Variants in SCARF2 observed in about 807,000 individuals in gnomAD.
The protein encoded by SCARF2 is scavenger receptor expressed by endothelial cells 2 protein.
In SCARF2, 39 loss-of-function variants were observed where a neutral mutation model predicts 73.4. The ratio of observed to expected loss-of-function variants is 0.53; its 90% CI spans 0.41 to 0.69. The LOEUF (loss-of-function observed/expected upper bound fraction) is 0.69. Ranked by LOEUF, SCARF2 falls within the 30% of genes least tolerant of loss-of-function variation. The pLI is 0.00. For missense variants in SCARF2, 1,148 were observed against 1,303.5 expected (o/e 0.88, Z 1.84); for synonymous variants, 605 against 590.0 (o/e 1.03, Z -0.37).
chr22:20,426,146 C>A lies in SCARF2; in HGVS notation c.1830G>T (p.Arg610=), dbSNP rs1206587333. 6.8e-7 allele frequency: 1 copy of A among 1,469,398 alleles called. No homozygotes were observed. Among genetic ancestry groups the A allele is most frequent in the Admixed American group, 2.4e-5 (1 of 41,070 alleles). The allele number at this position is 1,469,398 out of a possible 1,614,324, so 91.0% of individuals were successfully genotyped here. Residue 610 remains arginine, a synonymous_variant, in exon 11 of 11, where the codon CGG becomes CGT. Coordinates refer to ENST00000622235, the MANE Select transcript of SCARF2 (RefSeq NM_182895.5). Reference sequence around the variant, plus strand: ...CGGGCCCCTCCACGCTGGACGCCGACCGCTCGCTGTCGGAGGACGCGGGGA... The same window carrying A: ...CGGGCCCCTCCACGCTGGACGCCGAACGCTCGCTGTCGGAGGACGCGGGGA... ...IPLPASSDSE[R]SASSVEGPGG... is the part of the protein sequence containing the mutation.
Position 20,429,555 on chromosome 22 carries a change from C to G in SCARF2, c.1405G>C (p.Gly469Arg). 1 of 1,613,010 alleles carries G rather than the reference C, an allele frequency of 6.2e-7. No individual in the cohort carries two copies. Among genetic ancestry groups the G allele is most frequent in the Non-Finnish European group, 8.5e-7 (1 of 1,179,764 alleles). Residue 469 changes from glycine (G) to arginine (R), a missense_variant, in exon 8 of 11, where the codon GGC (glycine) becomes CGC (arginine). Physicochemically the swap from Gly to Arg is moderately radical, Grantham distance 125. Around this residue, in one of 5 missense-constraint regions of SCARF2, gnomAD observed 437 missense variants for 433.6 expected, o/e 1.01. Transcript: ENST00000622235. The surrounding 1 kb of genome is among the most constrained non-coding windows in gnomAD (Gnocchi z 5.2). ...GCTCACCGGCGCGTAGGGTCCTTGCCGCGGCAAGCGCAGCAGCAGCCGAGC... is the reference window on the plus strand; with the variant it reads ...GCTCACCGGCGCGTAGGGTCCTTGCGGCGGCAAGCGCAGCAGCAGCCGAGC... Reference protein sequence around the residue: ...SLLGCCCACRGKDPTRRELSL... With the variant: ...SLLGCCCACRRKDPTRRELSL...
intron 10 of SCARF2, 86 bp from the exon 11 acceptor site, chr22:20,426,368 C>G (rs2052578992): frequency 7.0e-7 from 1 of 1,433,470 alleles, no homozygotes; most frequent in Non-Finnish European, 9.4e-7. Context: ...CACCTTTCCT[C>G]CTCTACCCAC....
Position 20,429,824 on chromosome 22 carries a change from C to A in SCARF2, c.1212G>T (p.Val404=). The A allele has an allele frequency of 1.2e-6, 2 of 1,612,758 alleles. No individual in the cohort carries two copies. The highest frequency in any genetic ancestry group is 4.5e-5 in the East Asian group (2 of 44,856). Residue 404 remains valine, a synonymous_variant, in exon 7 of 11, where the codon GTG becomes GTT. Transcript: ENST00000622235. The surrounding 1 kb of genome is among the most constrained non-coding windows in gnomAD (Gnocchi z 5.2). The part of the protein sequence containing the change: ...SPGVHGPHCN[V]TCPPGLHGAD... ...CGCCGTGGAGTCCGGGCGGGCACGTCACGTTACAGCTGCCGGGACATAGGG... is the reference window on the plus strand; with the variant it reads ...CGCCGTGGAGTCCGGGCGGGCACGTAACGTTACAGCTGCCGGGACATAGGG...
Position 20,425,600 on chromosome 22 carries a change from G to T in SCARF2, c.2376C>A (p.Gly792=). The T allele has an allele frequency of 7.5e-7, 1 of 1,334,278 alleles. No homozygotes were observed. The highest frequency in any genetic ancestry group is 9.6e-7 in the Non-Finnish European group (1 of 1,045,816). The allele number at this position is 1,334,278 out of a possible 1,614,324, so 82.7% of individuals were successfully genotyped here. ...GTGGGGGCGCCGGCTTTTCCCTGGG[G>T]CCCTGCGCGCCCAGGGCCACCTCGG... ...GRAEVALGAQ[G]PREKPAPPQK... The change falls in exon 11 of 11, where the codon GGC becomes GGA. Residue 792 remains glycine, a synonymous_variant. Coordinates refer to ENST00000622235, the MANE Select transcript of SCARF2 (RefSeq NM_182895.5). This position sits in a 1 kb window ranked among gnomAD's most constrained non-coding sequence, Gnocchi z 4.6.
chr22:20,428,226 C>CCCTCCCTT (rs2052601384), intron 9 of SCARF2, among the ~76,000 whole-genome samples: 1 of 142,432 alleles, frequency 7.0e-6, no homozygotes, highest in Non-Finnish European at 1.5e-5. Flanking sequence ...CTCCCTCCCT[C>CCCTCCCTT]CCTCCCTCCC....
intron 1 of SCARF2, among the ~76,000 whole-genome samples, chr22:20,436,723 G>T (rs971677187): frequency 1.3e-5 from 2 of 152,160 alleles, no homozygotes; most frequent in Non-Finnish European, 2.9e-5. Flanking sequence ...CCACACGCCC[G>T]CTCCTCACCC....
intron 1 of SCARF2, among the ~76,000 whole-genome samples, chr22:20,436,154 C>A (rs192113268): frequency 1.3e-5 from 2 of 152,384 alleles, no homozygotes; most frequent in African/African-American, 4.8e-5. Context: ...GTCCACACAG[C>A]TGGGTAGGGT....
chr22:20,430,540 C>G lies in SCARF2; in HGVS notation c.1091G>C (p.Ser364Thr), dbSNP rs370346506. 1 of 1,611,070 alleles carries G rather than the reference C, an allele frequency of 6.2e-7. No individual in the cohort carries two copies. The highest frequency in any genetic ancestry group is 8.5e-7 in the Non-Finnish European group (1 of 1,179,032). ...GCAGTCCTCGCCGTAAGTGCCATTG[C>G]TACACTTGGTCTCGCACCTTGGAAA... is the stretch of plus-strand genomic sequence containing the variant. Reference protein sequence around the residue: ...WIGDRCETKCSNGTYGEDCAF... With the variant: ...WIGDRCETKCTNGTYGEDCAF... The change falls in exon 6 of 11, where the codon AGC becomes ACC. Residue 364 changes from serine to threonine, a missense_variant. Transcript: ENST00000622235.
chr22:20,435,996 G>C (rs1360854298), intron 1 of SCARF2, among the ~76,000 whole-genome samples: 1 of 152,238 alleles, frequency 6.6e-6, no homozygotes, highest in Non-Finnish European at 1.5e-5. Flanking sequence ...GACCCCAGGT[G>C]GGCAGTGCCC....
At position 20,429,107 on chromosome 22, in the gene SCARF2, A is replaced by T; in HGVS notation, c.1540+118T>A. The T allele has an allele frequency of 1.5e-6, 2 of 1,377,778 alleles. No homozygotes were observed. Among genetic ancestry groups the T allele is most frequent in the Non-Finnish European group, 2.1e-6 (2 of 975,016 alleles). The allele number at this position is 1,377,778 out of a possible 1,614,324, so 85.3% of individuals were successfully genotyped here. A position where few individuals can be genotyped will look rare whatever the true frequency, so the allele number is the denominator to read the frequency against. On this transcript the variant is annotated intron_variant, in intron 9 of 10. Transcript: ENST00000622235. The surrounding 1 kb of genome is among the most constrained non-coding windows in gnomAD (Gnocchi z 5.2). ...GTCGCACCTCCTCGCGCCCACGCAC[A>T]TCAACACTCAAGGTCCCCCATTTCC...
chr22:20,425,809 G>A lies in SCARF2; in HGVS notation c.2167C>T (p.Pro723Ser), dbSNP rs1270273120. The stretch of plus-strand genomic sequence containing the variant: ...GTCGCCTCCTCGGGCAGCCCGGGGG[G>A]CCGCGGCGTTGGGTCGCGGGTCCGG... ...SPRTRDPTPRPPGLPEEATAL... is the reference protein window; with the variant it reads ...SPRTRDPTPRSPGLPEEATAL... Residue 723 changes from proline to serine, a missense_variant, in exon 11 of 11, where the codon CCC becomes TCC. This residue lies in a region of SCARF2 where 437 missense variants were observed against 433.6 expected (regional missense o/e 1.01). Coordinates refer to ENST00000622235, the MANE Select transcript of SCARF2 (RefSeq NM_182895.5). The surrounding 1 kb of genome is among the most constrained non-coding windows in gnomAD (Gnocchi z 4.6). 3.3e-6 allele frequency: 5 copies of A among 1,523,550 alleles called. No individual in the cohort carries two copies. The highest frequency in any genetic ancestry group is 1.4e-5 in the African/African-American group (1 of 69,664). The allele number at this position is 1,523,550 out of a possible 1,614,324, so 94.4% of individuals were successfully genotyped here.
chr22:20,428,243 C>G (rs2052601961), intron 9 of SCARF2, among the ~76,000 whole-genome samples: 1 of 121,790 alleles, frequency 8.2e-6, no homozygotes, highest in Non-Finnish European at 1.6e-5. Flanking sequence ...TCCCTTCCTT[C>G]TCTTTCTTCT....
At chr22:20,428,611 G>A (rs891430487) in intron 9 of SCARF2, among the ~76,000 whole-genome samples, 7 of 152,116 alleles carry the variant, frequency 4.6e-5, no homozygotes, top group Non-Finnish European at 8.8e-5. Flanking sequence ...GCTTGGCTAA[G>A]GGGTTTTCTC....
chr22:20,431,337 C>A lies in SCARF2; in HGVS notation c.535G>T (p.Ala179Ser). The change falls in exon 4 of 11, where the codon GCG becomes TCG. Residue 179 changes from alanine (A) to serine (S), a missense_variant. By Grantham distance (99) the Ala-to-Ser change is moderately conservative. Around this residue, in one of 5 missense-constraint regions of SCARF2, gnomAD observed 372 missense variants for 532.0 expected, o/e 0.70. Transcript: ENST00000622235. Reference sequence around the variant, plus strand: ...CAGTAGCACGCGCTGGCGCACTGCGCGCCCCACCAGCCGGGCTCACAGCGG... The same window carrying A: ...CAGTAGCACGCGCTGGCGCACTGCGAGCCCCACCAGCCGGGCTCACAGCGG... ...ACRCEPGWWG[A>S]QCASACYCSA... is the part of the protein sequence containing the mutation. The A allele has an allele frequency of 6.6e-7, 1 of 1,505,652 alleles. No individual in the cohort carries two copies. Among genetic ancestry groups the A allele is most frequent in the South Asian group, 1.2e-5 (1 of 80,850 alleles). 93.3% of individuals were successfully genotyped at this position (1,505,652 alleles called of 1,614,324 possible). A position where few individuals can be genotyped will look rare whatever the true frequency, so the allele number is the denominator to read the frequency against.
At chr22:20,428,716 C>T (rs2052607932) in intron 9 of SCARF2, among the ~76,000 whole-genome samples, 1 of 152,170 alleles carries the variant, frequency 6.6e-6, no homozygotes, top group African/African-American at 2.4e-5. Flanking sequence ...CACCCAGGTG[C>T]AAGTCAGCAT....
chr22:20,429,391 G>A lies in SCARF2; in HGVS notation c.1425-51C>T. On this transcript the variant is annotated intron_variant, in intron 8 of 10. Coordinates refer to ENST00000622235, the MANE Select transcript of SCARF2 (RefSeq NM_182895.5). This position sits in a 1 kb window ranked among gnomAD's most constrained non-coding sequence, Gnocchi z 5.2. ...GGGCGGGGCCGGGGCGGGGCCCAGG[G>A]GCGATTAGATCTCGGCCGGAGCCAA... The A allele has an allele frequency of 2.6e-6, 4 of 1,561,446 alleles. No individual in the cohort carries two copies. Among genetic ancestry groups the A allele is most frequent in the Non-Finnish European group, 3.5e-6 (4 of 1,153,398 alleles).
At position 20,429,874 on chromosome 22, in the gene SCARF2, CT is replaced by C; in HGVS notation, c.1203-42del. On this transcript the variant is annotated intron_variant, in intron 6 of 10. Coordinates refer to ENST00000622235, the MANE Select transcript of SCARF2 (RefSeq NM_182895.5). The surrounding 1 kb of genome is among the most constrained non-coding windows in gnomAD (Gnocchi z 5.2). ...GTCAAGGCATGCCACAGCCGCCCCC[CT>C]AGGATGCCCCCTACCCTCACCCCTC... The C allele has an allele frequency of 6.3e-7, 1 of 1,592,794 alleles. No individual in the cohort carries two copies. Among genetic ancestry groups the C allele is most frequent in the Admixed American group, 1.7e-5 (1 of 58,606 alleles).
Position 20,431,922 on chromosome 22 carries a change from C to T in SCARF2, c.232+8G>A. On this transcript the variant is annotated splice_region_variant and intron_variant, in intron 2 of 10. Coordinates refer to ENST00000622235, the MANE Select transcript of SCARF2 (RefSeq NM_182895.5). ...CCCCGCCCCAGGTCCCCGGGATGAC[C>T]CACTCACCAATCCCACACTCGTCCC... is the stretch of plus-strand genomic sequence containing the variant. The T allele has an allele frequency of 6.2e-7, 1 of 1,609,448 alleles. No individual in the cohort carries two copies.
intron 4 of SCARF2, 40 bp downstream of exon 4, chr22:20,430,978 C>T (rs774521757): frequency 6.4e-7 from 1 of 1,567,862 alleles, no homozygotes; most frequent in Non-Finnish European, 8.6e-7. Flanking sequence ...GCGGCCCGCC[C>T]TTCCACCTCC....
Sources: allele counts gnomAD v4.1 joint callset (sites outside exome capture counted in the v4.1 genomes callset), GRCh38; gene constraint gnomAD v4.1.1; regional missense constraint gnomAD v4.1.1; non-coding constraint Gnocchi (gnomAD v3.1); transcripts MANE v1.5; gene names NCBI Gene and HGNC (gene_info 2026-07-23, HGNC 2026-07-21).